Variants in CHST15 observed in about 807,000 individuals in gnomAD.
The protein encoded by CHST15 is carbohydrate sulfotransferase 15.
In CHST15, 30 loss-of-function variants were observed where a neutral mutation model predicts 53.6. That is an observed-to-expected ratio of 0.56 (90% confidence interval 0.42 to 0.76). The LOEUF is 0.76. Among genes scored for constraint, CHST15 ranks in the 30% least tolerant of loss-of-function variants. The probability of loss-of-function intolerance (pLI) is 0.00; values close to 1 mark genes in which losing one functional copy is unlikely to be tolerated. For missense variants in CHST15, 627 were observed against 740.5 expected (o/e 0.85, Z 1.78); for synonymous variants, 296 against 289.8 (o/e 1.02, Z -0.22).
intron 1 of CHST15, among the ~76,000 whole-genome samples, chr10:124,049,153 G>A (rs1435638776): frequency 2.0e-5 from 3 of 152,188 alleles, no homozygotes; most frequent in African/African-American, 4.8e-5. Context: ...AATACCTTTT[G>A]AAGAACAGCT....
At chr10:124,041,514 AT>A (rs1323231559) in intron 4 of CHST15, among the ~76,000 whole-genome samples, 1 of 152,142 alleles carries the variant, frequency 6.6e-6, no homozygotes, top group Admixed American at 6.5e-5. Context: ...CCAAGACAGT[AT>A]ATTTCAGGTG....
rs1419275895 is a variant in CHST15 at position 124,045,975 on chromosome 10, A to G, written c.238T>C (p.Cys80Arg). Reference sequence around the variant, plus strand: ...ATTATCAGTCCAAAAACGAGGCTACATCGCTTCCCCTTTTTGAAGCGCAAA... The same window carrying G: ...ATTATCAGTCCAAAAACGAGGCTACGTCGCTTCCCCTTTTTGAAGCGCAAA... ...GFLRFKKGKRCSLVFGLIIMT... is the reference protein window; with the variant it reads ...GFLRFKKGKRRSLVFGLIIMT... The change falls in exon 2 of 8, where the codon TGT becomes CGT. Residue 80 changes from cysteine (C) to arginine (R), a missense_variant. Around this residue, in one of 3 missense-constraint regions of CHST15, gnomAD observed 187 missense variants for 251.8 expected, o/e 0.74. Transcript: ENST00000435907. 2 of 1,614,098 alleles carry G rather than the reference A, an allele frequency of 1.2e-6. No individual in the cohort carries two copies. The highest frequency in any genetic ancestry group is 1.7e-6 in the Non-Finnish European group (2 of 1,180,020).
chr10:124,030,291 T>C (rs1947176962), intron 5 of CHST15, among the ~76,000 whole-genome samples: 1 of 152,058 alleles, frequency 6.6e-6, no homozygotes, highest in South Asian at 2.1e-4. Context: ...TCAGTCCTAT[T>C]AAAGTGACCT....
intron 1 of CHST15, among the ~76,000 whole-genome samples, chr10:124,075,552 A>G (rs1162850950): frequency 6.6e-6 from 1 of 152,082 alleles, no homozygotes; most frequent in East Asian, 1.9e-4. Context: ...CTCCCCCAAG[A>G]CGCTGCTCGG....
At chr10:124,020,758 A>G in intron 6 of CHST15, 15 of 1,046,530 alleles carry the variant, frequency 1.4e-5, no homozygotes, top group Non-Finnish European at 1.7e-5. Flanking sequence ...AAAAGGCTAG[A>G]AATTTACAGA....
chr10:124,064,075 C>A (rs1333646658), intron 1 of CHST15, among the ~76,000 whole-genome samples: 1 of 152,152 alleles, frequency 6.6e-6, no homozygotes, highest in African/African-American at 2.4e-5. Context: ...GAATTAATCA[C>A]AGAAGAGTGG....
intron 1 of CHST15, among the ~76,000 whole-genome samples, chr10:124,051,634 T>C (rs1465329979): frequency 1.3e-5 from 2 of 152,230 alleles, no homozygotes; most frequent in Non-Finnish European, 2.9e-5. Flanking sequence ...CCACCTGGGC[T>C]CAATTCTGAG....
chr10:124,010,400 T>C (rs1300501399), intron 7 of CHST15, 61 bp from the exon 8 acceptor site: 2 of 1,469,732 alleles, frequency 1.4e-6, no homozygotes, highest in Non-Finnish European at 1.8e-6. Context: ...AAAAGGGACT[T>C]TGCAAAAATC....
At chr10:124,069,376 C>T (rs866312951) in intron 1 of CHST15, among the ~76,000 whole-genome samples, 4 of 150,654 alleles carry the variant, frequency 2.7e-5, no homozygotes, top group Non-Finnish European at 1.5e-5. Flanking sequence ...GACCCCCCCC[C>T]CAACTATTGG....
At chr10:124,072,482 T>C (rs778800260) in intron 1 of CHST15, among the ~76,000 whole-genome samples, 1 of 152,020 alleles carries the variant, frequency 6.6e-6, no homozygotes, top group Non-Finnish European at 1.5e-5. Context: ...GAACACTGGG[T>C]TGGAAGTCCA....
At position 124,074,149 on chromosome 10, in the gene CHST15, C is replaced by T. The variant is rs559766063; in HGVS notation, c.-513+19320G>A. ...GCAAGCTCAAGTCACGCCTGCTGCA[C>T]CCCCAGGGAAGGTAGCTTGCTCTCC... On this transcript the variant is annotated intron_variant, in intron 1 of 7. Transcript: ENST00000435907. This position sits in a 1 kb window ranked among gnomAD's most constrained non-coding sequence, Gnocchi z 4.4. Among the ~76,000 whole-genome samples, 1 of 152,238 alleles carries T rather than the reference C, an allele frequency of 6.6e-6. No homozygotes were observed. Among genetic ancestry groups the T allele is most frequent in the Admixed American group, 6.5e-5 (1 of 15,286 alleles).
chr10:124,076,183 T>C (rs1949064558), intron 1 of CHST15, among the ~76,000 whole-genome samples: 1 of 152,164 alleles, frequency 6.6e-6, no homozygotes, highest in Admixed American at 6.5e-5. Flanking sequence ...CTTTTCCATT[T>C]TACAGTGAAA....
rs141324917 is a variant in CHST15 at position 124,021,355 on chromosome 10, A to G, written c.1248T>C (p.His416=). 12 of 1,614,042 alleles carry G rather than the reference A, an allele frequency of 7.4e-6. No individual in the cohort carries two copies. In the East Asian group the frequency reaches 2.7e-4, roughly 36 times the overall value. ...ASSNKSADDF[H]EKVTEALQLF... The stretch of plus-strand genomic sequence containing the variant: ...GCTGCAGTGCTTCTGTCACTTTCTC[A>G]TGGAAGTCGTCCGCGGATTTATTCG... The change falls in exon 6 of 8, where the codon CAT becomes CAC. Residue 416 remains histidine, a synonymous_variant. Transcript: ENST00000435907.
chr10:124,025,775 G>A (rs2133888910), intron 5 of CHST15, among the ~76,000 whole-genome samples: 1 of 152,256 alleles, frequency 6.6e-6, no homozygotes, highest in Admixed American at 6.5e-5. Context: ...AAAGAGGAGA[G>A]GACAGACAGC....
intron 2 of CHST15, among the ~76,000 whole-genome samples, chr10:124,045,123 A>AAC (rs1554911390): frequency 2.4e-4 from 30 of 125,758 alleles, no homozygotes; most frequent in African/African-American, 6.2e-4. Flanking sequence ...AAAAAAAAAA[A>AAC]AAAAAAAAAA....
At chr10:124,053,716 T>C (rs981794957) in intron 1 of CHST15, among the ~76,000 whole-genome samples, 1 of 152,042 alleles carries the variant, frequency 6.6e-6, no homozygotes, top group Non-Finnish European at 1.5e-5. Context: ...CAGGGTCATC[T>C]AGACCAGCTT....
chr10:124,013,133 C>T (rs1946469577), intron 6 of CHST15, among the ~76,000 whole-genome samples: 1 of 152,128 alleles, frequency 6.6e-6, no homozygotes, highest in African/African-American at 2.4e-5. Context: ...AGAACTCGGG[C>T]CTTTCCCTCG....
At chr10:124,026,832 G>A (rs546003088) in intron 5 of CHST15, among the ~76,000 whole-genome samples, 3 of 152,296 alleles carry the variant, frequency 2.0e-5, no homozygotes, top group East Asian at 1.9e-4. Context: ...ACTGACCAGC[G>A]GGCAGAAGGT....
intron 1 of CHST15, among the ~76,000 whole-genome samples, chr10:124,062,428 C>T (rs1333205842): frequency 6.6e-6 from 1 of 152,194 alleles, no homozygotes; most frequent in African/African-American, 2.4e-5. Flanking sequence ...TTGTATCAAC[C>T]CCTTACCGGC....
Sources: gnomAD v4.1 joint callset for allele counts (sites outside exome capture counted in the v4.1 genomes callset) on GRCh38, gnomAD v4.1.1 for gene constraint, gnomAD v4.1.1 regional missense constraint, Gnocchi (gnomAD v3.1) non-coding constraint, MANE v1.5 for transcripts, NCBI Gene and HGNC (gene_info 2026-07-23, HGNC 2026-07-21) for gene names.